The following VRK2 variants were observed in gnomAD, a reference collection of about 807,000 sequenced individuals.
VRK2 encodes serine/threonine-protein kinase VRK2.
Under a neutral mutation model 57.6 loss-of-function variants are expected in VRK2, and 60 were observed. The observed-to-expected ratio is 1.04, with a 90% CI of 0.85 to 1.29. The LOEUF (loss-of-function observed/expected upper bound fraction) is 1.29. VRK2 is among the 50% of genes most tolerant of loss of function. VRK2 has a pLI of 0.00. For missense variants in VRK2, 705 were observed against 588.1 expected, an observed-to-expected ratio of 1.20 and a Z score of -2.06; for synonymous variants, 231 against 199.2, an observed-to-expected ratio of 1.16 and a Z score of -1.35.
chr2:58,077,123 G>C (rs1301454225), intron 2 of VRK2, among the ~76,000 whole-genome samples: 2 of 152,046 alleles, frequency 1.3e-5, no homozygotes, highest in East Asian at 3.9e-4. Context: ...CTCCCTTTGG[G>C]AAAATTCTTC....
chr2:57,920,470 C>G (rs548404269), intron 1 of VRK2, among the ~76,000 whole-genome samples: 1 of 152,192 alleles, frequency 6.6e-6, no homozygotes, highest in South Asian at 2.1e-4. Flanking sequence ...AAACAGACTT[C>G]AGTTTTACTT....
At chr2:58,136,063 C>A (rs746612891) in intron 10 of VRK2, among the ~76,000 whole-genome samples, 3 of 152,120 alleles carry the variant, frequency 2.0e-5, no homozygotes, top group Non-Finnish European at 4.4e-5. Flanking sequence ...CATCTGTTTC[C>A]ATCTGGTTGA....
At chr2:58,108,554 C>A (rs1420698056) in intron 7 of VRK2, among the ~76,000 whole-genome samples, 2 of 151,982 alleles carry the variant, frequency 1.3e-5, no homozygotes, top group Non-Finnish European at 2.9e-5. Context: ...TTTCCACCAA[C>A]TTCTCCGCCC....
chr2:58,034,950 A>G (rs916710258), intron 3 of VRK2, among the ~76,000 whole-genome samples: 3 of 152,022 alleles, frequency 2.0e-5, no homozygotes, highest in African/African-American at 7.2e-5. Context: ...CGTTTTAGTC[A>G]ACATAAATGA....
intron 1 of VRK2, among the ~76,000 whole-genome samples, chr2:57,990,850 G>T (rs1293155082): frequency 1.2e-5 from 1 of 86,102 alleles, no homozygotes; most frequent in Non-Finnish European, 2.1e-5. Context: ...GTCACACACA[G>T]ACATACACAC....
intron 1 of VRK2, among the ~76,000 whole-genome samples, chr2:58,000,852 A>G (rs1673068280): frequency 6.6e-6 from 1 of 152,250 alleles, no homozygotes; most frequent in Non-Finnish European, 1.5e-5. Context: ...TAGTAATAAT[A>G]CAAATAGAAA....
intron 7 of VRK2, among the ~76,000 whole-genome samples, chr2:58,098,593 A>G (rs373200166): frequency 7.2e-5 from 11 of 151,784 alleles, no homozygotes; most frequent in African/African-American, 2.7e-4. Context: ...CTATAGTAAC[A>G]TGCTGTATAG....
chr2:58,021,151 G>A (rs1050545378), intron 1 of VRK2, among the ~76,000 whole-genome samples: 1 of 151,980 alleles, frequency 6.6e-6, no homozygotes, highest in Admixed American at 6.5e-5. Context: ...TACTTTTTGT[G>A]GGAAAAAATC....
chr2:57,936,530 T>TTG (rs1553363689), intron 1 of VRK2, among the ~76,000 whole-genome samples: 6 of 145,576 alleles, frequency 4.1e-5, no homozygotes, highest in African/African-American at 1.1e-4. Context: ...TTTGTTTTTT[T>TTG]GTTTTTTTTT....
chr2:58,069,804 A>G (rs1371278009), intron 2 of VRK2, among the ~76,000 whole-genome samples: 1 of 152,116 alleles, frequency 6.6e-6, no homozygotes, highest in Non-Finnish European at 1.5e-5. Flanking sequence ...ACTCTTCTTA[A>G]CTAGAGAGCT....
chr2:58,135,426 A>G (rs914476169), intron 10 of VRK2, among the ~76,000 whole-genome samples: 1 of 149,444 alleles, frequency 6.7e-6, no homozygotes, highest in South Asian at 2.1e-4. Context: ...GGAAAATTCT[A>G]GGTTCTGCTT....
chr2:58,041,741 C>T (rs907889773), upstream of VRK2, among the ~76,000 whole-genome samples: 1 of 152,060 alleles, frequency 6.6e-6, no homozygotes, highest in Non-Finnish European at 1.5e-5. Flanking sequence ...TGATAAGAAA[C>T]ATTTAAAGTC....
chr2:57,986,959 T>C (rs1277630725), intron 1 of VRK2, among the ~76,000 whole-genome samples: 2 of 152,150 alleles, frequency 1.3e-5, no homozygotes, highest in Non-Finnish European at 2.9e-5. Context: ...AGATAAAGGA[T>C]AATATTTTTT....
At chr2:57,955,619 ACAT>A (rs1325516128) in intron 1 of VRK2, among the ~76,000 whole-genome samples, 2 of 152,150 alleles carry the variant, frequency 1.3e-5, no homozygotes, top group African/African-American at 4.8e-5. Flanking sequence ...TTATCAAAAA[ACAT>A]CTTCTCTATT....
intron 8 of VRK2, among the ~76,000 whole-genome samples, chr2:58,124,568 G>T (rs923246774): frequency 6.6e-6 from 1 of 152,154 alleles, no homozygotes; most frequent in Admixed American, 6.5e-5. Context: ...AATGGTTGTT[G>T]AACTGTTACC....
intron 1 of VRK2, among the ~76,000 whole-genome samples, chr2:58,005,025 G>T (rs1673200631): frequency 6.6e-6 from 1 of 152,046 alleles, no homozygotes; most frequent in African/African-American, 2.4e-5. Flanking sequence ...ACACTTGAAA[G>T]GCAAAGAAAT....
intron 8 of VRK2, among the ~76,000 whole-genome samples, chr2:58,124,777 C>T (rs1225598039): frequency 6.6e-6 from 1 of 152,070 alleles, no homozygotes; most frequent in African/African-American, 2.4e-5. Flanking sequence ...GATTCATAGG[C>T]TTGATTTTCT....
chr2:57,930,947 T>C (rs1670702705), intron 1 of VRK2, among the ~76,000 whole-genome samples: 1 of 152,154 alleles, frequency 6.6e-6, no homozygotes, highest in African/African-American at 2.4e-5. Flanking sequence ...AGCTGAATAA[T>C]TTTTATTACA....
At position 58,088,381 on chromosome 2, in the gene VRK2, C is replaced by T. The variant is rs1240783927; in HGVS notation, c.385C>T (p.Gln129Ter). The T allele has an allele frequency of 1.2e-6, 2 of 1,613,064 alleles. No homozygotes were observed. Among genetic ancestry groups the T allele is most frequent in the Non-Finnish European group, 1.7e-6 (2 of 1,179,548 alleles). ...MVMERLGIDL[Q>*]KISGQNGTFK... is the part of the protein sequence containing the mutation. Reference sequence around the variant, plus strand: ...AATGGAAAGACTAGGAATAGATTTACAGAAGATCTCAGGCCAGAATGGTAC... The same window carrying T: ...AATGGAAAGACTAGGAATAGATTTATAGAAGATCTCAGGCCAGAATGGTAC... The change falls in exon 6 of 13, where the codon CAG (glutamine) becomes TAG (stop). Residue 129 changes from glutamine (Q) to a stop codon, truncating the protein, a stop_gained. Transcript: ENST00000340157. LOFTEE classifies it high-confidence loss of function.
Sources: allele counts gnomAD v4.1 joint callset (sites outside exome capture counted in the v4.1 genomes callset), GRCh38; gene constraint gnomAD v4.1.1; transcripts MANE v1.5; gene names NCBI Gene and HGNC (gene_info 2026-07-23, HGNC 2026-07-21).